PCDHB11: variants seen among roughly 807,000 people sequenced by gnomAD.
The protein encoded by PCDHB11 is protocadherin beta 11, also known as protocadherin beta-11.
For missense variants in PCDHB11, 1,151 were observed against 1,003.4 expected (o/e 1.15, Z -1.99); for synonymous variants, 522 against 442.0 (o/e 1.18, Z -2.27).
Position 141,199,923 on chromosome 5 carries a change from A to G in PCDHB11, c.149A>G (p.Lys50Arg), listed in dbSNP as rs1554285171. 24 of 1,614,046 alleles carry G rather than the reference A, an allele frequency of 1.5e-5. No individual in the cohort carries two copies. The South Asian group carries it at 2.5e-4, about 17-fold the overall frequency. Reference sequence around the variant, plus strand: ...GGGAGTTTTGTAGGCAATCTGGCAAAGGACCTGGGGCTGAAGGTGAGAGAA... The same window carrying G: ...GGGAGTTTTGTAGGCAATCTGGCAAGGGACCTGGGGCTGAAGGTGAGAGAA... ...QSGSFVGNLA[K>R]DLGLKVRELS... Residue 50 changes from lysine to arginine, a missense_variant, in exon 1 of 1, where the codon AAG (lysine) becomes AGG (arginine). Lys to Arg is a conservative substitution (Grantham distance 26, BLOSUM62 2). Coordinates refer to ENST00000354757, the MANE Select transcript of PCDHB11 (RefSeq NM_018931.3).
Position 141,201,738 on chromosome 5 carries a change from C to T in PCDHB11, c.1964C>T (p.Thr655Ile), listed in dbSNP as rs1554285685. 14 of 1,608,148 alleles carry T rather than the reference C, an allele frequency of 8.7e-6. No individual in the cohort carries two copies. Among genetic ancestry groups the T allele is most frequent in the South Asian group, 5.5e-5 (5 of 90,980 alleles). ...AATGGCGAGCCTCCGCGCTCGGCCA[C>T]CGCCACGCTGCAAGTGCTCCTGGTG... ...KDNGEPPRSA[T>I]ATLQVLLVDG... Residue 655 changes from threonine to isoleucine, a missense_variant, in exon 1 of 1, where the codon ACC becomes ATC. Transcript: ENST00000354757.
At position 141,201,789 on chromosome 5, in the gene PCDHB11, C is replaced by G. The variant is rs140365279; in HGVS notation, c.2015C>G (p.Pro672Arg). 1,592 of 1,610,180 alleles carry G rather than the reference C, an allele frequency of 9.9e-4. 16 individuals are homozygous for G. The African/African-American group carries it at 0.018, about 19-fold the overall frequency. Reference sequence around the variant, plus strand: ...GACGGCTTCTCCCAGCCCTACCTGCCGCTCCCTGAGGCGGCACCGGCCCAG... The same window carrying G: ...GACGGCTTCTCCCAGCCCTACCTGCGGCTCCCTGAGGCGGCACCGGCCCAG... ...LVDGFSQPYL[P>R]LPEAAPAQAQ... The change falls in exon 1 of 1, where the codon CCG becomes CGG. Residue 672 changes from proline to arginine, a missense_variant. Transcript: ENST00000354757.
Position 141,201,201 on chromosome 5 carries a change from C to T in PCDHB11, c.1427C>T (p.Thr476Ile), listed in dbSNP as rs782736079. 1 of 1,613,248 alleles carries T rather than the reference C, an allele frequency of 6.2e-7. No individual in the cohort carries two copies. The highest frequency in any genetic ancestry group is 8.5e-7 in the Non-Finnish European group (1 of 1,180,026). Residue 476 changes from threonine to isoleucine, a missense_variant, in exon 1 of 1, where the codon ACA (threonine) becomes ATA (isoleucine). Coordinates refer to ENST00000354757, the MANE Select transcript of PCDHB11 (RefSeq NM_018931.3). The part of the protein sequence containing the change: ...PALHIGSVSA[T>I]DRDSGTNAQV... The stretch of plus-strand genomic sequence containing the variant: ...CTGCACATCGGCAGTGTCAGCGCTA[C>T]AGACAGAGACTCAGGCACCAACGCC...
rs375694457 is a variant in PCDHB11, at chr5:141,202,009, T to G, written c.2235T>G (p.Leu745=). ...HLVDVSGTGT[L]SQSYQYEVCL... ...TGGACGTGAGCGGCACCGGGACCCT[T>G]TCCCAGAGCTACCAGTACGAGGTGT... Residue 745 remains leucine, a synonymous_variant, in exon 1 of 1, where the codon CTT becomes CTG. Coordinates refer to ENST00000354757, the MANE Select transcript of PCDHB11 (RefSeq NM_018931.3). The G allele has an allele frequency of 3.2e-5, 52 of 1,614,008 alleles. No homozygotes were observed. The highest frequency in any genetic ancestry group is 2.3e-4 in the African/African-American group (17 of 74,916).
chr5:141,201,964 C>T lies in PCDHB11; in HGVS notation c.2190C>T (p.Gly730=), dbSNP rs1554285767. 3.7e-6 allele frequency: 6 copies of T among 1,614,030 alleles called. No homozygotes were observed. Among genetic ancestry groups the T allele is most frequent in the African/African-American group, 2.7e-5 (2 of 74,932 alleles). The change falls in exon 1 of 1, where the codon GGC becomes GGT. Residue 730 remains glycine (G), a synonymous_variant. Transcript: ENST00000354757. ...TGGGAAGCTGCTCGGTGCCTAAGGG[C>T]CCCTTTCCAGGGCATCTGGTGGACG... is the stretch of plus-strand genomic sequence containing the variant. ...ASVGSCSVPK[G]PFPGHLVDVS...
In PCDHB11 at chr5:141,200,081, G is replaced by A; in HGVS notation, c.307G>A (p.Val103Met). The change falls in exon 1 of 1, where the codon GTG (valine) becomes ATG (methionine). Residue 103 changes from valine to methionine, a missense_variant. Physicochemically the swap from Val to Met is conservative, Grantham distance 21. Coordinates refer to ENST00000354757, the MANE Select transcript of PCDHB11 (RefSeq NM_018931.3). ...GCTCTGCGGTTCCATCGAGCCTTGC[G>A]TGCTACATTTGCAGGTGTTAATGCA... is the stretch of plus-strand genomic sequence containing the variant. ...EELCGSIEPC[V>M]LHLQVLMQNP... The A allele has an allele frequency of 6.2e-7, 1 of 1,614,126 alleles. No homozygotes were observed.
rs1208065162 is a variant in PCDHB11 at position 141,201,694 on chromosome 5, G to C, written c.1920G>C (p.Leu640=). 5.0e-6 allele frequency: 8 copies of C among 1,606,934 alleles called. No homozygotes were observed. Among genetic ancestry groups the C allele is most frequent in the Non-Finnish European group, 6.8e-6 (8 of 1,179,612 alleles). ...LSERDAAKHR[L]VVLVKDNGEP... ...AGCGCGACGCGGCCAAGCACAGGCT[G>C]GTGGTGCTGGTCAAGGACAATGGCG... The change falls in exon 1 of 1, where the codon CTG becomes CTC. Residue 640 remains leucine (L), a synonymous_variant. Coordinates refer to ENST00000354757, the MANE Select transcript of PCDHB11 (RefSeq NM_018931.3).
rs1323010937 is a variant in PCDHB11 at position 141,201,982 on chromosome 5, G to T, written c.2208G>T (p.Leu736=). 6.2e-7 allele frequency: 1 copy of T among 1,614,084 alleles called. No individual in the cohort carries two copies. The highest frequency in any genetic ancestry group is 1.3e-5 in the African/African-American group (1 of 74,936). ...CTAAGGGCCCCTTTCCAGGGCATCTGGTGGACGTGAGCGGCACCGGGACCC... is the reference window on the plus strand; with the variant it reads ...CTAAGGGCCCCTTTCCAGGGCATCTTGTGGACGTGAGCGGCACCGGGACCC... The part of the protein sequence containing the change: ...SVPKGPFPGH[L]VDVSGTGTLS... The change falls in exon 1 of 1, where the codon CTG becomes CTT. Residue 736 remains leucine (L), a synonymous_variant. Transcript: ENST00000354757.
Position 141,201,343 on chromosome 5 carries a change from C to G in PCDHB11, c.1569C>G (p.Ala523=). 1 of 1,613,358 alleles carries G rather than the reference C, an allele frequency of 6.2e-7. No homozygotes were observed. Among genetic ancestry groups the G allele is most frequent in the Non-Finnish European group, 8.5e-7 (1 of 1,179,932 alleles). Residue 523 remains alanine, a synonymous_variant, in exon 1 of 1, where the codon GCC becomes GCG. Transcript: ENST00000354757. ...CCCTCAGGTCGCTGGACTACGAGGC[C>G]CTGCAGGCTTTCGACTTCCGCGTGG... The part of the protein sequence containing the change: ...LFALRSLDYE[A]LQAFDFRVGA...
Position 141,200,267 on chromosome 5 carries a change from A to T in PCDHB11, c.493A>T (p.Asn165Tyr), listed in dbSNP as rs782214375. 6.2e-7 allele frequency: 1 copy of T among 1,614,196 alleles called. No homozygotes were observed. The change falls in exon 1 of 1, where the codon AAT (asparagine) becomes TAT (tyrosine). Residue 165 changes from asparagine to tyrosine, a missense_variant. Coordinates refer to ENST00000354757, the MANE Select transcript of PCDHB11 (RefSeq NM_018931.3). The stretch of plus-strand genomic sequence containing the variant: ...TGCGAAGGATTTAGATGTAGGAATC[A>T]ATGCTGTAAAAAGCTACACAATAAG... ...ESAKDLDVGI[N>Y]AVKSYTISPN...
In PCDHB11 at chr5:141,202,784, G is replaced by C. The variant is rs1204006102; in HGVS notation, c.*616G>C. On this transcript the variant is annotated 3_prime_UTR_variant, in exon 1 of 1. Transcript: ENST00000354757. The stretch of plus-strand genomic sequence containing the variant: ...GCGCCACCATGCCCGGCTACTTCTT[G>C]TATTTTTTGTAGAGACGGATCGTCA... The C allele has an allele frequency of 6.6e-6, 1 of 151,894 alleles. No homozygotes were observed. The highest frequency in any genetic ancestry group is 1.9e-4 in the East Asian group (1 of 5,148). 9.4% of individuals were successfully genotyped at this position (151,894 alleles called of 1,614,324 possible).
At position 141,200,345 on chromosome 5, in the gene PCDHB11, T is replaced by C; in HGVS notation, c.571T>C (p.Tyr191His). 6.2e-7 allele frequency: 1 copy of C among 1,614,176 alleles called. No homozygotes were observed. Among genetic ancestry groups the C allele is most frequent in the South Asian group, 1.1e-5 (1 of 91,082 alleles). ...KMRVIPDNRKYPELVLDKALD... is the reference protein window; with the variant it reads ...KMRVIPDNRKHPELVLDKALD... ...GAGAGTCATTCCAGACAATAGGAAA[T>C]ACCCCGAGTTAGTTCTGGACAAGGC... The change falls in exon 1 of 1, where the codon TAC (tyrosine) becomes CAC (histidine). Residue 191 changes from tyrosine to histidine, a missense_variant. Transcript: ENST00000354757.
In PCDHB11 at chr5:141,200,170, C is replaced by A. The variant is rs1204952831; in HGVS notation, c.396C>A (p.Ile132=). The change falls in exon 1 of 1, where the codon ATC becomes ATA. Residue 132 remains isoleucine, a synonymous_variant. Coordinates refer to ENST00000354757, the MANE Select transcript of PCDHB11 (RefSeq NM_018931.3). ...QVRDINDHSP[I]FSEKQMLLEI... ...GGGATATAAATGATCACTCTCCCAT[C>A]TTCTCGGAAAAACAAATGCTCCTAG... is the stretch of plus-strand genomic sequence containing the variant. The A allele has an allele frequency of 1.7e-5, 28 of 1,614,040 alleles. No homozygotes were observed. In the East Asian group the frequency reaches 5.8e-4, roughly 33 times the overall value.
At position 141,200,003 on chromosome 5, in the gene PCDHB11, C is replaced by G; in HGVS notation, c.229C>G (p.Leu77Val). ...VSNDKKQRLQ[L>V]DINTGDLLLS... ...TAATGATAAGAAACAGCGTTTGCAG[C>G]TGGACATAAACACTGGGGATTTGCT... Residue 77 changes from leucine to valine, a missense_variant, in exon 1 of 1, where the codon CTG becomes GTG. Physicochemically the swap from Leu to Val is conservative, Grantham distance 32 (BLOSUM62 1). Coordinates refer to ENST00000354757, the MANE Select transcript of PCDHB11 (RefSeq NM_018931.3). The G allele has an allele frequency of 6.2e-7, 1 of 1,614,152 alleles. No individual in the cohort carries two copies. The highest frequency in any genetic ancestry group is 8.5e-7 in the Non-Finnish European group (1 of 1,180,042).
At position 141,202,273 on chromosome 5, in the gene PCDHB11, T is replaced by A; in HGVS notation, c.*105T>A. ...CGTTATTATGCAATACGACTAATTG[T>A]ATTTTTAATTTTTTCTTTTCTCCCC... On this transcript the variant is annotated 3_prime_UTR_variant, in exon 1 of 1. Coordinates refer to ENST00000354757, the MANE Select transcript of PCDHB11 (RefSeq NM_018931.3). 9.1e-7 allele frequency: 1 copy of A among 1,098,086 alleles called. No homozygotes were observed. The highest frequency in any genetic ancestry group is 1.3e-6 in the Non-Finnish European group (1 of 792,948). 68.0% of individuals were successfully genotyped at this position (1,098,086 alleles called of 1,614,324 possible).
chr5:141,200,529 G>T lies in PCDHB11; in HGVS notation c.755G>T (p.Arg252Leu), dbSNP rs369767792. Residue 252 changes from arginine (R) to leucine (L), a missense_variant, in exon 1 of 1, where the codon CGG becomes CTG. Transcript: ENST00000354757. The part of the protein sequence containing the change: ...FEQAFYEVKI[R>L]ENSILGSLIL... ...CAGGCTTTTTATGAGGTGAAGATTC[G>T]GGAGAATAGCATCCTTGGCTCGCTG... is the stretch of plus-strand genomic sequence containing the variant. 73 of 1,614,158 alleles carry T rather than the reference G, an allele frequency of 4.5e-5. No individual in the cohort carries two copies. The highest frequency in any genetic ancestry group is 3.3e-4 in the East Asian group (15 of 44,880).
chr5:141,200,268 A>G lies in PCDHB11; in HGVS notation c.494A>G (p.Asn165Ser). Reference protein sequence around the residue: ...ESAKDLDVGINAVKSYTISPN... With the variant: ...ESAKDLDVGISAVKSYTISPN... ...GCGAAGGATTTAGATGTAGGAATCA[A>G]TGCTGTAAAAAGCTACACAATAAGC... Residue 165 changes from asparagine (N) to serine (S), a missense_variant, in exon 1 of 1, where the codon AAT (asparagine) becomes AGT (serine). Coordinates refer to ENST00000354757, the MANE Select transcript of PCDHB11 (RefSeq NM_018931.3). 2 of 1,614,202 alleles carry G rather than the reference A, an allele frequency of 1.2e-6. No homozygotes were observed. Among genetic ancestry groups the G allele is most frequent in the Non-Finnish European group, 1.7e-6 (2 of 1,180,038 alleles).
Position 141,200,770 on chromosome 5 carries a change from A to G in PCDHB11, c.996A>G (p.Thr332=). Residue 332 remains threonine, a synonymous_variant, in exon 1 of 1, where the codon ACA becomes ACG. Transcript: ENST00000354757. ...GGGGAGGACTTTTTGGAAAATCTAC[A>G]GTCATAATTCACGTGATAGATGTAA... ...TDGGGLFGKS[T]VIIHVIDVND... 1 of 1,614,238 alleles carries G rather than the reference A, an allele frequency of 6.2e-7. No homozygotes were observed. The highest frequency in any genetic ancestry group is 1.1e-5 in the South Asian group (1 of 91,088).
Position 141,200,095 on chromosome 5 carries a change from GGT to G in PCDHB11, c.324_325del (p.Leu109AsnfsTer11). 5 of 1,614,172 alleles carry G rather than the reference GGT, an allele frequency of 3.1e-6. No homozygotes were observed. The highest frequency in any genetic ancestry group is 4.2e-6 in the Non-Finnish European group (5 of 1,180,046). On this transcript the variant is annotated frameshift_variant, in exon 1 of 1. Transcript: ENST00000354757. LOFTEE classifies it low-confidence loss of function (END_TRUNC). ...SIEPCVLHLQ[V>X]LMQNPTQFLQ... Reference sequence around the variant, plus strand: ...TCGAGCCTTGCGTGCTACATTTGCAGGTGTTAATGCAAAACCCCACGCAGTTT... The same window carrying G: ...TCGAGCCTTGCGTGCTACATTTGCAGGTTAATGCAAAACCCCACGCAGTTT...
Sources: allele counts gnomAD v4.1 joint callset, GRCh38; gene constraint gnomAD v4.1.1; transcripts MANE v1.5; gene names NCBI Gene and HGNC (gene_info 2026-07-23, HGNC 2026-07-21).